Variants in PCDHGB3 observed in about 807,000 individuals in gnomAD.
PCDHGB3 encodes protocadherin gamma subfamily B, 3, also known as protocadherin gamma-B3.
Under a neutral mutation model 59.2 loss-of-function variants are expected in PCDHGB3, and 40 were observed. The ratio of observed to expected loss-of-function variants is 0.68; its 90% CI spans 0.52 to 0.88. The LOEUF is 0.88. PCDHGB3 is among the 40% of genes least tolerant of loss of function. The pLI is 0.00. For synonymous variants in PCDHGB3, 581 were observed against 503.6 expected (o/e 1.15, Z -2.06); for missense variants, 1,309 against 1,187.9 (o/e 1.10, Z -1.50).
intron 3 of PCDHGB3, among the ~76,000 whole-genome samples, chr5:141,508,837 A>C (rs1596180024): frequency 6.7e-6 from 1 of 149,276 alleles, no homozygotes; most frequent in Non-Finnish European, 1.5e-5. Context: ...CCCCTCCCCT[A>C]CCCCTTCCAT....
At position 141,384,883 on chromosome 5, in the gene PCDHGB3, G is replaced by A. The variant is rs774353364; in HGVS notation, c.2415+12074G>A. ...TCTGTCAGCCACCGTCACACTCACCGTGGCTGTGGCTGACAGCATCCCCGA... is the reference window on the plus strand; with the variant it reads ...TCTGTCAGCCACCGTCACACTCACCATGGCTGTGGCTGACAGCATCCCCGA... On this transcript the variant is annotated intron_variant, in intron 1 of 3. Coordinates refer to ENST00000576222, the MANE Select transcript of PCDHGB3 (RefSeq NM_018924.5). 62 of 1,613,804 alleles carry A rather than the reference G, an allele frequency of 3.8e-5. 1 individual carries two copies. In the East Asian group the frequency reaches 1.3e-3, roughly 35 times the overall value.
chr5:141,418,505 G>A, intron 1 of PCDHGB3: 1 of 1,614,006 alleles, frequency 6.2e-7, no homozygotes, highest in Non-Finnish European at 8.5e-7. Flanking sequence ...GACCGCCTTA[G>A]ATGGTGGGGA....
intron 1 of PCDHGB3, chr5:141,377,040 T>G (rs1229321442): frequency 1.9e-5 from 3 of 154,184 alleles, no homozygotes; most frequent in African/African-American, 7.2e-5. Flanking sequence ...CTTTGATTAG[T>G]GCTTAGTTTT....
At chr5:141,447,623 C>G (rs940221130) in intron 1 of PCDHGB3, among the ~76,000 whole-genome samples, 1 of 152,042 alleles carries the variant, frequency 6.6e-6, no homozygotes, top group African/African-American at 2.4e-5. Flanking sequence ...AAAGTTGAAA[C>G]CAACAGTATG....
At chr5:141,389,355 G>C in intron 1 of PCDHGB3, 2 of 1,613,950 alleles carry the variant, frequency 1.2e-6, no homozygotes, top group Non-Finnish European at 1.7e-6. Flanking sequence ...CTGCATCATG[G>C]CCAGTGACCT....
intron 1 of PCDHGB3, among the ~76,000 whole-genome samples, chr5:141,380,102 G>C (rs1776217775): frequency 6.6e-6 from 1 of 151,848 alleles, no homozygotes; most frequent in Non-Finnish European, 1.5e-5. Flanking sequence ...GTTTTACCAT[G>C]ATGGCCAGGC....
At chr5:141,416,620 G>T (rs1395913352) in intron 1 of PCDHGB3, 1 of 152,142 alleles carries the variant, frequency 6.6e-6, no homozygotes, top group Non-Finnish European at 1.5e-5. Flanking sequence ...CATTTCTGCA[G>T]ATCAGAATAT....
chr5:141,416,109 A>C (rs1365438751), intron 1 of PCDHGB3: 5 of 157,286 alleles, frequency 3.2e-5, no homozygotes, highest in African/African-American at 1.2e-4. Context: ...GCCTTTTTCA[A>C]ACTACATTTT....
At chr5:141,497,807 T>G (rs2099779585) in intron 2 of PCDHGB3, among the ~76,000 whole-genome samples, 1 of 152,210 alleles carries the variant, frequency 6.6e-6, no homozygotes, top group African/African-American at 2.4e-5. Context: ...CCCAAAGTGC[T>G]AGAATTACAG....
chr5:141,470,565 A>T (rs2099233471), intron 1 of PCDHGB3, among the ~76,000 whole-genome samples: 1 of 152,172 alleles, frequency 6.6e-6, no homozygotes, highest in African/African-American at 2.4e-5. Context: ...CCTCTGTGCC[A>T]AGCAGGATCA....
At chr5:141,376,059 C>T (rs761483041) in intron 1 of PCDHGB3, 2 of 1,613,398 alleles carry the variant, frequency 1.2e-6, no homozygotes, top group South Asian at 1.1e-5. Flanking sequence ...GCCACTGTCA[C>T]GCTCACCGTG....
At chr5:141,427,683 G>A (rs761750638) in intron 1 of PCDHGB3, 3 of 836,052 alleles carry the variant, frequency 3.6e-6, no homozygotes, top group South Asian at 2.8e-5. Flanking sequence ...CCTTCCCGGA[G>A]CCTCCATCCC....
rs1211398299 is a variant in PCDHGB3 at position 141,420,143 on chromosome 5, A to G, written c.2415+47334A>G. The G allele has an allele frequency of 1.2e-6, 2 of 1,614,052 alleles. No homozygotes were observed. The highest frequency in any genetic ancestry group is 2.2e-5 in the East Asian group (1 of 44,888). On this transcript the variant is annotated intron_variant, in intron 1 of 3. Transcript: ENST00000576222. The stretch of plus-strand genomic sequence containing the variant: ...TTTTTGTGTGCCTGGGGATCAAATG[A>G]ATCCAGAATTTAATTTTTTCACATC...
Position 141,485,113 on chromosome 5 carries a change from T to G in PCDHGB3, c.2416-9694T>G. On this transcript the variant is annotated intron_variant, in intron 1 of 3. Transcript: ENST00000576222. This position sits in a 1 kb window ranked among gnomAD's most constrained non-coding sequence, Gnocchi z 5.7. ...AGGTGTCTCCAGCTGCTGTGGCTGTTTGGGGCGGGTCGGCTTCATCCGCGT... is the reference window on the plus strand; with the variant it reads ...AGGTGTCTCCAGCTGCTGTGGCTGTGTGGGGCGGGTCGGCTTCATCCGCGT... 1 of 1,286,014 alleles carries G rather than the reference T, an allele frequency of 7.8e-7. No individual in the cohort carries two copies. Among genetic ancestry groups the G allele is most frequent in the Non-Finnish European group, 1.1e-6 (1 of 898,642 alleles). 79.7% of individuals were successfully genotyped at this position (1,286,014 alleles called of 1,614,324 possible). A position where few individuals can be genotyped will look rare whatever the true frequency, so the allele number is the denominator to read the frequency against.
chr5:141,491,666 G>T lies in PCDHGB3; in HGVS notation c.2416-3141G>T, dbSNP rs373526771. Reference sequence around the variant, plus strand: ...CTGGCGCTGGAGCCTGACGCCATCCGGTCCCGCTCTAATACGCTGCGGGAG... The same window carrying T: ...CTGGCGCTGGAGCCTGACGCCATCCTGTCCCGCTCTAATACGCTGCGGGAG... On this transcript the variant is annotated intron_variant, in intron 1 of 3. Transcript: ENST00000576222. This position sits in a 1 kb window ranked among gnomAD's most constrained non-coding sequence, Gnocchi z 6.9. 1.2e-6 allele frequency: 2 copies of T among 1,613,732 alleles called. No homozygotes were observed. Among genetic ancestry groups the T allele is most frequent in the Non-Finnish European group, 1.7e-6 (2 of 1,180,008 alleles).
In PCDHGB3 at chr5:141,431,326, T is replaced by G. The variant is rs1486136293; in HGVS notation, c.2415+58517T>G. 6.2e-7 allele frequency: 1 copy of G among 1,614,046 alleles called. No individual in the cohort carries two copies. Among genetic ancestry groups the G allele is most frequent in the Non-Finnish European group, 8.5e-7 (1 of 1,180,018 alleles). On this transcript the variant is annotated intron_variant, in intron 1 of 3. Transcript: ENST00000576222. This position sits in a 1 kb window ranked among gnomAD's most constrained non-coding sequence, Gnocchi z 4.8. Reference sequence around the variant, plus strand: ...TCGTGCAAAATGGAGCCGACGGTAGTAAGTACCCCGAATTGGTGCTGAAAC... The same window carrying G: ...TCGTGCAAAATGGAGCCGACGGTAGGAAGTACCCCGAATTGGTGCTGAAAC...
In PCDHGB3 at chr5:141,502,866, C is replaced by CTTTTTTTTTT. The variant is rs549047197; in HGVS notation, c.2475-2522_2475-2513dup. On this transcript the variant is annotated intron_variant, in intron 2 of 3. Transcript: ENST00000576222. ...GAGCTGCCTAACCCTGACTCTCTGT[C>CTTTTTTTTTT]TTTTTTTTTTTTTTGACAGGGAGTC... 1.9e-3 allele frequency among the ~76,000 whole-genome samples: 240 copies of CTTTTTTTTTT among 127,966 alleles called. 11 individuals are homozygous for CTTTTTTTTTT. The highest frequency in any genetic ancestry group is 3.5e-3 in the Admixed American group (41 of 11,656). The allele number at this position is 127,966 out of a possible 152,430, so 84.0% of individuals were successfully genotyped here.
In PCDHGB3 at chr5:141,493,269, C is replaced by T. The variant is rs142898207; in HGVS notation, c.2416-1538C>T. ...ACATGCCTCTCTTATAACAGCTTCA[C>T]AGAGGTCAAGTGACTTGCTCAAGTT... is the stretch of plus-strand genomic sequence containing the variant. On this transcript the variant is annotated intron_variant, in intron 1 of 3. Coordinates refer to ENST00000576222, the MANE Select transcript of PCDHGB3 (RefSeq NM_018924.5). This position sits in a 1 kb window ranked among gnomAD's most constrained non-coding sequence, Gnocchi z 4.3. Among the ~76,000 whole-genome samples the T allele has an allele frequency of 1.3e-5, 2 of 152,322 alleles. No individual in the cohort carries two copies. The highest frequency in any genetic ancestry group is 4.8e-5 in the African/African-American group (2 of 41,570).
At position 141,431,495 on chromosome 5, in the gene PCDHGB3, G is replaced by A. The variant is rs557611439; in HGVS notation, c.2415+58686G>A. The A allele has an allele frequency of 4.3e-6, 7 of 1,613,864 alleles. No homozygotes were observed. The highest frequency in any genetic ancestry group is 1.1e-5 in the South Asian group (1 of 91,092). On this transcript the variant is annotated intron_variant, in intron 1 of 3. Coordinates refer to ENST00000576222, the MANE Select transcript of PCDHGB3 (RefSeq NM_018924.5). This position sits in a 1 kb window ranked among gnomAD's most constrained non-coding sequence, Gnocchi z 4.8. ...CAACGCACCAGCGTTTGCTCAGCCC[G>A]AGTACCGCGCGAGCGTTCCGGAGAA...
Sources: gnomAD v4.1 joint callset for allele counts (sites outside exome capture counted in the v4.1 genomes callset) on GRCh38, gnomAD v4.1.1 for gene constraint, Gnocchi (gnomAD v3.1) non-coding constraint, MANE v1.5 for transcripts, NCBI Gene and HGNC (gene_info 2026-07-23, HGNC 2026-07-21) for gene names.